FGF8: variants seen among roughly 807,000 people sequenced by gnomAD.
FGF8 encodes the protein androgen-induced growth factor.
A neutral mutation model predicts 29.7 loss-of-function variants in FGF8; 12 were observed. The ratio of observed to expected loss-of-function variants is 0.40; its 90% CI spans 0.26 to 0.65. The LOEUF (loss-of-function observed/expected upper bound fraction) is 0.65. FGF8 is among the 30% of genes least tolerant of loss of function. The probability of loss-of-function intolerance (pLI) is 0.37; values close to 1 mark genes in which losing one functional copy is unlikely to be tolerated. For synonymous variants in FGF8, 157 were observed against 144.4 expected (o/e 1.09, Z -0.63); for missense variants, 271 against 345.1 (o/e 0.79, Z 1.70).
upstream of FGF8, among the ~76,000 whole-genome samples, chr10:101,776,573 C>T (rs974347219): frequency 1.7e-4 from 26 of 152,148 alleles, no homozygotes; most frequent in African/African-American, 5.8e-4. Context: ...CGGGCCCAGC[C>T]GCTTCCGCCG....
chr10:101,777,236 C>T (rs2065106501), upstream of FGF8, among the ~76,000 whole-genome samples: 1 of 152,168 alleles, frequency 6.6e-6, no homozygotes, highest in Non-Finnish European at 1.5e-5. Flanking sequence ...CCTGAGCCCC[C>T]ATGCTGCTTC....
chr10:101,771,637 C>G lies in FGF8; in HGVS notation c.338-68G>C. 8.0e-7 allele frequency: 1 copy of G among 1,245,794 alleles called. No individual in the cohort carries two copies. Among genetic ancestry groups the G allele is most frequent in the Non-Finnish European group, 1.2e-6 (1 of 851,298 alleles). The allele number at this position is 1,245,794 out of a possible 1,614,324, so 77.2% of individuals were successfully genotyped here. A position where few individuals can be genotyped will look rare whatever the true frequency, so the allele number is the denominator to read the frequency against. On this transcript the variant is annotated intron_variant, in intron 4 of 5. Coordinates refer to ENST00000320185, the MANE Select transcript of FGF8 (RefSeq NM_033163.5). This position sits in a 1 kb window ranked among gnomAD's most constrained non-coding sequence, Gnocchi z 5.3. ...CCCCAGCTGGCCCACACACTTGTCA[C>G]AGCCCAGCAGCAACTGCTCCAAAGA...
rs754600595 is a variant in FGF8, at chr10:101,771,418, C to T, written c.444+45G>A. The T allele has an allele frequency of 6.8e-7, 1 of 1,464,990 alleles. No homozygotes were observed. Among genetic ancestry groups the T allele is most frequent in the East Asian group, 2.3e-5 (1 of 44,208 alleles). 90.7% of individuals were successfully genotyped at this position (1,464,990 alleles called of 1,614,324 possible). The stretch of plus-strand genomic sequence containing the variant: ...TTGGAGGAGTCCAGCCAGCCCAAGC[C>T]ACTCCCTAGGTCCCGCGGACCCCAC... On this transcript the variant is annotated intron_variant, in intron 5 of 5. Transcript: ENST00000320185. This position sits in a 1 kb window ranked among gnomAD's most constrained non-coding sequence, Gnocchi z 5.3.
upstream of FGF8, among the ~76,000 whole-genome samples, chr10:101,776,854 C>CCACACACACACACA (rs71016347): frequency 1.6e-5 from 2 of 123,898 alleles, no homozygotes; most frequent in Admixed American, 7.9e-5. Flanking sequence ...GTGCCCCTCA[C>CCACACACACACACA]CACACACACA....
At chr10:101,777,872 A>G (rs1032833641), upstream of FGF8, among the ~76,000 whole-genome samples, 1 of 152,244 alleles carries the variant, frequency 6.6e-6, no homozygotes, top group Admixed American at 6.5e-5. Context: ...GATTATCACC[A>G]GGAACACCAC....
rs1317765155 is a variant in FGF8 at position 101,775,473 on chromosome 10, C to T, written c.70-257G>A. 1.8e-5 allele frequency: 11 copies of T among 604,042 alleles called. No individual in the cohort carries two copies. The highest frequency in any genetic ancestry group is 3.2e-5 in the Non-Finnish European group (11 of 340,492). The allele number at this position is 604,042 out of a possible 1,614,324, so 37.4% of individuals were successfully genotyped here. On this transcript the variant is annotated intron_variant, in intron 2 of 5. Coordinates refer to ENST00000320185, the MANE Select transcript of FGF8 (RefSeq NM_033163.5). The surrounding 1 kb of genome is among the most constrained non-coding windows in gnomAD (Gnocchi z 4.6). ...CGGCGGCTGGGTGTTCCCTATGCCC[C>T]CAGCCGGCGAGGATGCATGGGGGAC...
chr10:101,770,747 CT>C, intron 5 of FGF8, 128 bp from the exon 6 acceptor site: 1 of 995,242 alleles, frequency 1.0e-6, no homozygotes, highest in Non-Finnish European at 1.5e-6. Flanking sequence ...GCCCCACCCC[CT>C]GCCTGGGCAC....
At chr10:101,778,165 G>T (rs2065113579), upstream of FGF8, among the ~76,000 whole-genome samples, 1 of 152,244 alleles carries the variant, frequency 6.6e-6, no homozygotes, top group Non-Finnish European at 1.5e-5. Context: ...ATGTTTAGTT[G>T]CGTATGTCGA....
chr10:101,774,643 C>G (rs2065065114), intron 4 of FGF8, 89 bp downstream of exon 4: 3 of 1,134,810 alleles, frequency 2.6e-6, no homozygotes, highest in Admixed American at 3.5e-5. Context: ...CCCTTCTGAG[C>G]TGGGGACCCT....
At position 101,770,168 on chromosome 10, in the gene FGF8, C is replaced by T; in HGVS notation, c.*161G>A. On this transcript the variant is annotated 3_prime_UTR_variant, in exon 6 of 6. Transcript: ENST00000320185. ...AAAAAAAAAAAAAAAAAAAAAACAGCAAAAACCCAACAGCAAACAATATCA... is the reference window on the plus strand; with the variant it reads ...AAAAAAAAAAAAAAAAAAAAAACAGTAAAAACCCAACAGCAAACAATATCA... 1 of 526,154 alleles carries T rather than the reference C, an allele frequency of 1.9e-6. No homozygotes were observed. 32.6% of individuals were successfully genotyped at this position (526,154 alleles called of 1,614,324 possible).
chr10:101,776,368 C>A (rs1390487676), upstream of FGF8, among the ~76,000 whole-genome samples: 2 of 147,420 alleles, frequency 1.4e-5, no homozygotes, highest in Non-Finnish European at 3.0e-5. Context: ...GTCTGGGGAC[C>A]CGCGGGAGGG....
chr10:101,770,140 T>TAAA lies in FGF8; in HGVS notation c.*188_*189insTTT. On this transcript the variant is annotated 3_prime_UTR_variant, in exon 6 of 6. Coordinates refer to ENST00000320185, the MANE Select transcript of FGF8 (RefSeq NM_033163.5). The stretch of plus-strand genomic sequence containing the variant: ...ACAAAAATAGAGCCTCTCTTTTGTT[T>TAAA]TAAAAAAAAAAAAAAAAAAAAAAAC... 1.9e-6 allele frequency: 1 copy of TAAA among 523,844 alleles called. No individual in the cohort carries two copies. The allele number at this position is 523,844 out of a possible 1,614,324, so 32.4% of individuals were successfully genotyped here. A position where few individuals can be genotyped will look rare whatever the true frequency, so the allele number is the denominator to read the frequency against.
chr10:101,772,237 C>T lies in FGF8; in HGVS notation c.338-668G>A, dbSNP rs2065036482. On this transcript the variant is annotated intron_variant, in intron 4 of 5. Transcript: ENST00000320185. The surrounding 1 kb of genome is among the most constrained non-coding windows in gnomAD (Gnocchi z 4.4). Reference sequence around the variant, plus strand: ...ACCTCAGACACCTGCCAGGAGGATCCTGCCTCTTCCCTGTGGCTTCCCAGT... The same window carrying T: ...ACCTCAGACACCTGCCAGGAGGATCTTGCCTCTTCCCTGTGGCTTCCCAGT... Among the ~76,000 whole-genome samples the T allele has an allele frequency of 6.6e-6, 1 of 152,240 alleles. No homozygotes were observed. Among genetic ancestry groups the T allele is most frequent in the South Asian group, 2.1e-4 (1 of 4,830 alleles).
Position 101,772,586 on chromosome 10 carries a change from G to A in FGF8, c.338-1017C>T, listed in dbSNP as rs1399655909. ...CACTGTTTAGGAAGGGACAGAAGGC[G>A]CTGGCTCTCCTGCCGTCCCTGCCGC... On this transcript the variant is annotated intron_variant, in intron 4 of 5. Transcript: ENST00000320185. The surrounding 1 kb of genome is among the most constrained non-coding windows in gnomAD (Gnocchi z 4.4). Among the ~76,000 whole-genome samples, 3 of 152,196 alleles carry A rather than the reference G, an allele frequency of 2.0e-5. No homozygotes were observed. The highest frequency in any genetic ancestry group is 2.9e-5 in the Non-Finnish European group (2 of 68,042).
At chr10:101,777,759 TTGAA>T (rs3840750), upstream of FGF8, among the ~76,000 whole-genome samples, 23 of 152,282 alleles carry the variant, frequency 1.5e-4, no homozygotes, top group East Asian at 4.0e-3. Context: ...TAAGAGTTCG[TTGAA>T]TGAATGAATG....
Position 101,774,913 on chromosome 10 carries a change from C to T in FGF8, c.157-1G>A, listed in dbSNP as rs1554834892. On this transcript the variant is annotated splice_acceptor_variant, in intron 3 of 5. Transcript: ENST00000320185. LOFTEE classifies it high-confidence loss of function. ...AATTAGGTGAGGACTGAACAGTTACCTTTAGGAAATTGAAAAATACACAAT... is the reference window on the plus strand; with the variant it reads ...AATTAGGTGAGGACTGAACAGTTACTTTTAGGAAATTGAAAAATACACAAT... The T allele has an allele frequency of 6.2e-7, 1 of 1,613,940 alleles. No homozygotes were observed. Among genetic ancestry groups the T allele is most frequent in the Non-Finnish European group, 8.5e-7 (1 of 1,179,990 alleles).
chr10:101,779,289 G>A (rs1055614147), upstream of FGF8, among the ~76,000 whole-genome samples: 3 of 152,240 alleles, frequency 2.0e-5, no homozygotes, highest in African/African-American at 7.2e-5. The surrounding 1 kb of genome is among the most constrained non-coding windows in gnomAD (Gnocchi z 5.7). Context: ...ACTACGTTAA[G>A]CACTTCGGCC....
chr10:101,775,297 A>C lies in FGF8; in HGVS notation c.70-81T>G. 2 of 1,020,994 alleles carry C rather than the reference A, an allele frequency of 2.0e-6. No homozygotes were observed. The highest frequency in any genetic ancestry group is 3.0e-6 in the Non-Finnish European group (2 of 676,872). The allele number at this position is 1,020,994 out of a possible 1,614,324, so 63.2% of individuals were successfully genotyped here. A position where few individuals can be genotyped will look rare whatever the true frequency, so the allele number is the denominator to read the frequency against. Reference sequence around the variant, plus strand: ...TTATAAAGACAAATTTACGGAGCAAATGTTGAGAGTGCAGGGAACCTGGGC... The same window carrying C: ...TTATAAAGACAAATTTACGGAGCAACTGTTGAGAGTGCAGGGAACCTGGGC... On this transcript the variant is annotated intron_variant, in intron 2 of 5. Coordinates refer to ENST00000320185, the MANE Select transcript of FGF8 (RefSeq NM_033163.5). The surrounding 1 kb of genome is among the most constrained non-coding windows in gnomAD (Gnocchi z 4.6).
At chr10:101,774,527 G>C (rs2065063747) in intron 4 of FGF8, among the ~76,000 whole-genome samples, 1 of 152,156 alleles carries the variant, frequency 6.6e-6, no homozygotes, top group African/African-American at 2.4e-5. Context: ...TCATTCATTT[G>C]CTGGGCAGGG....
Sources: allele counts gnomAD v4.1 joint callset (sites outside exome capture counted in the v4.1 genomes callset), GRCh38; gene constraint gnomAD v4.1.1; non-coding constraint Gnocchi (gnomAD v3.1); transcripts MANE v1.5; gene names NCBI Gene and HGNC (gene_info 2026-07-23, HGNC 2026-07-21).